The following GPC6 variants were observed in gnomAD, a reference collection of about 807,000 sequenced individuals.
GPC6 encodes the protein glypican 6.
In GPC6, 14 loss-of-function variants were observed where a neutral mutation model predicts 55.2. The ratio of observed to expected loss-of-function variants is 0.25; its 90% confidence interval spans 0.17 to 0.40. GPC6 has a LOEUF of 0.40. Ranked by LOEUF, GPC6 falls within the 10% of genes least tolerant of loss-of-function variation. GPC6 has a pLI of 1.00. For synonymous variants in GPC6, 278 were observed against 259.6 expected (o/e 1.07, Z -0.68); for missense variants, 641 against 708.5 (o/e 0.90, Z 1.08).
chr13:93,935,827 G>A (rs1878410719), intron 3 of GPC6, among the ~76,000 whole-genome samples: 1 of 152,116 alleles, frequency 6.6e-6, no homozygotes, highest in Non-Finnish European at 1.5e-5. Flanking sequence ...GTAGTTCTTG[G>A]ACCATCTGCT....
chr13:94,314,215 A>G (rs1291311769), intron 6 of GPC6, among the ~76,000 whole-genome samples: 1 of 152,234 alleles, frequency 6.6e-6, no homozygotes, highest in Admixed American at 6.5e-5. Context: ...TTAGCATACA[A>G]TAAGTGGGAG....
At chr13:94,365,012 C>T (rs558160536) in intron 6 of GPC6, among the ~76,000 whole-genome samples, 45 of 152,296 alleles carry the variant, frequency 3.0e-4, no homozygotes, top group African/African-American at 1.0e-3. Flanking sequence ...TTATTGAATA[C>T]AACCAAAAAC....
chr13:93,948,445 A>G (rs1879108835), intron 3 of GPC6, among the ~76,000 whole-genome samples: 1 of 152,208 alleles, frequency 6.6e-6, no homozygotes, highest in Admixed American at 6.5e-5. Context: ...CTGTGGATTC[A>G]TTTAATCATG....
intron 3 of GPC6, among the ~76,000 whole-genome samples, chr13:94,015,137 A>G (rs1882410744): frequency 6.6e-6 from 1 of 152,326 alleles, no homozygotes; most frequent in East Asian, 1.9e-4. Flanking sequence ...TGGCTGTACT[A>G]TTATACATCC....
Position 93,590,544 on chromosome 13 carries a change from G to A in GPC6, c.319+45123G>A, listed in dbSNP as rs115234415. On this transcript the variant is annotated intron_variant, in intron 2 of 8. Coordinates refer to ENST00000377047, the MANE Select transcript of GPC6 (RefSeq NM_005708.5). ...CTTATATGCTATATCTTGAATGAAA[G>A]AATGTGTGAATTGATTCTTTAAAAT... 2.9e-3 allele frequency among the ~76,000 whole-genome samples: 447 copies of A among 152,130 alleles called. 4 individuals are homozygous for A. The highest frequency in any genetic ancestry group is 9.5e-3 in the African/African-American group (394 of 41,520).
intron 4 of GPC6, among the ~76,000 whole-genome samples, chr13:94,031,473 C>A (rs1453827671): frequency 6.6e-6 from 1 of 152,126 alleles, no homozygotes; most frequent in Non-Finnish European, 1.5e-5. Flanking sequence ...TACGTAGCAC[C>A]CCTGAGCTAG....
intron 3 of GPC6, among the ~76,000 whole-genome samples, chr13:93,831,614 T>C (rs531495653): frequency 2.6e-5 from 4 of 151,856 alleles, no homozygotes; most frequent in Non-Finnish European, 4.4e-5. Flanking sequence ...ATAAAGATGG[T>C]GTGTACCCTT....
chr13:93,340,362 T>C lies in GPC6; in HGVS notation c.160+112746T>C, dbSNP rs573703019. On this transcript the variant is annotated intron_variant, in intron 1 of 8. Coordinates refer to ENST00000377047, the MANE Select transcript of GPC6 (RefSeq NM_005708.5). Reference sequence around the variant, plus strand: ...AAGTTTTCTTTTTAAATACCTGTTATGTGTTGCGCATTTTCAAGGCTCTTG... The same window carrying C: ...AAGTTTTCTTTTTAAATACCTGTTACGTGTTGCGCATTTTCAAGGCTCTTG... Among the ~76,000 whole-genome samples the C allele has an allele frequency of 1.5e-3, 231 of 152,276 alleles. 1 individual carries two copies. The highest frequency in any genetic ancestry group is 5.5e-3 in the African/African-American group (227 of 41,560).
intron 6 of GPC6, among the ~76,000 whole-genome samples, chr13:94,340,045 G>C (rs981834158): frequency 1.3e-5 from 2 of 152,130 alleles, no homozygotes; most frequent in Non-Finnish European, 2.9e-5. Flanking sequence ...TTACAGGCTT[G>C]AGCCAGCGCA....
intron 6 of GPC6, among the ~76,000 whole-genome samples, chr13:94,372,769 A>G (rs1043431224): frequency 1.3e-5 from 2 of 152,156 alleles, no homozygotes; most frequent in Non-Finnish European, 2.9e-5. Context: ...CAGGGCACAA[A>G]CAAACAAAAA....
intron 2 of GPC6, among the ~76,000 whole-genome samples, chr13:93,823,225 A>G (rs201838850): frequency 1.7e-5 from 1 of 59,000 alleles, no homozygotes; most frequent in Non-Finnish European, 3.2e-5. Context: ...TTTATATTAT[A>G]TAAATATGAA....
At chr13:93,224,514 G>A (rs528266465), upstream of GPC6, among the ~76,000 whole-genome samples, 80 of 152,262 alleles carry the variant, frequency 5.3e-4, no homozygotes, top group African/African-American at 1.9e-3. Context: ...CCTCTTGTAT[G>A]GCATTTATCC....
chr13:93,263,701 G>A (rs961210815), intron 1 of GPC6, among the ~76,000 whole-genome samples: 1 of 151,722 alleles, frequency 6.6e-6, no homozygotes, highest in East Asian at 1.9e-4. Flanking sequence ...CGACCACTCT[G>A]TATTATTCCT....
At chr13:94,266,143 T>C (rs1034011994) in intron 4 of GPC6, among the ~76,000 whole-genome samples, 13 of 107,046 alleles carry the variant, frequency 1.2e-4, no homozygotes, top group Admixed American at 1.1e-3. Flanking sequence ...TTTCTTTACT[T>C]TTCTTTTCTT....
At chr13:94,029,197 G>A in intron 4 of GPC6, among the ~76,000 whole-genome samples, 1 of 152,184 alleles carries the variant, frequency 6.6e-6, no homozygotes, top group East Asian at 1.9e-4. Flanking sequence ...AAACCCATTG[G>A]CTAATTCACC....
intron 2 of GPC6, among the ~76,000 whole-genome samples, chr13:93,772,848 G>A (rs1207760198): frequency 2.0e-5 from 3 of 152,108 alleles, no homozygotes. Flanking sequence ...AATTGTTCTG[G>A]TCAGAATCTG....
At chr13:94,371,061 C>G (rs1321307260) in intron 6 of GPC6, among the ~76,000 whole-genome samples, 1 of 152,100 alleles carries the variant, frequency 6.6e-6, no homozygotes, top group Non-Finnish European at 1.5e-5. Flanking sequence ...TTAATCTAAT[C>G]CATAAATGCC....
intron 5 of GPC6, among the ~76,000 whole-genome samples, chr13:94,293,431 A>G (rs9524410): frequency 0.42 from 64,584 of 151,970 alleles, 13,971 homozygotes; most frequent in South Asian, 0.5. Flanking sequence ...CTCACCCACC[A>G]CCATATAAGA....
At chr13:93,340,035 T>C (rs1257978786) in intron 1 of GPC6, among the ~76,000 whole-genome samples, 48 of 93,016 alleles carry the variant, frequency 5.2e-4, no homozygotes, top group African/African-American at 1.9e-3. Flanking sequence ...TCTTTTTTTT[T>C]TTTTTTTTTT....
Sources: gnomAD v4.1 joint callset for allele counts (sites outside exome capture counted in the v4.1 genomes callset) on GRCh38, gnomAD v4.1.1 for gene constraint, MANE v1.5 for transcripts, NCBI Gene and HGNC (gene_info 2026-07-23, HGNC 2026-07-21) for gene names.